NAALADL2: variants seen among roughly 807,000 people sequenced by gnomAD.
NAALADL2 encodes inactive N-acetylated-alpha-linked acidic dipeptidase-like protein 2.
A neutral mutation model predicts 87.2 loss-of-function variants in NAALADL2; 76 were observed. The ratio of observed to expected loss-of-function variants is 0.87; its 90% CI spans 0.72 to 1.05. The LOEUF (loss-of-function observed/expected upper bound fraction) is 1.05. Among genes scored for constraint, NAALADL2 ranks in the 50% least tolerant of loss-of-function variants. The pLI is 0.00. For missense variants in NAALADL2, 1,089 were observed against 945.8 expected (o/e 1.15, Z -1.99); for synonymous variants, 354 against 331.0 (o/e 1.07, Z -0.75).
intron 2 of NAALADL2, among the ~76,000 whole-genome samples, chr3:175,229,420 T>C (rs1388504027): frequency 1.3e-5 from 2 of 152,070 alleles, no homozygotes; most frequent in African/African-American, 4.8e-5. Context: ...AACATATTTT[T>C]ATGTTAACAT....
intron 1 of NAALADL2, among the ~76,000 whole-genome samples, chr3:175,089,150 T>G (rs9880351): frequency 0.21 from 32,557 of 152,112 alleles, 3,630 homozygotes; most frequent in East Asian, 0.32. Flanking sequence ...AAACATAGCC[T>G]GCCAGAGTGC....
At chr3:174,863,733 A>T (rs966713678) in intron 1 of NAALADL2, 1 of 200,308 alleles carries the variant, frequency 5.0e-6, no homozygotes, top group African/African-American at 2.4e-5. Flanking sequence ...ATTCATCATC[A>T]GAAACCATGA....
At chr3:175,008,572 G>A (rs1163752289) in intron 1 of NAALADL2, among the ~76,000 whole-genome samples, 2 of 152,122 alleles carry the variant, frequency 1.3e-5, no homozygotes, top group Admixed American at 1.3e-4. Flanking sequence ...TCAGGCAGAA[G>A]TTTCTTATAC....
rs57196350 is a variant in NAALADL2, at chr3:175,591,784, GTATATATATATATATATATATATA to G, written c.1800+15617_1800+15640del. Among the ~76,000 whole-genome samples the G allele has an allele frequency of 5.5e-3, 751 of 137,068 alleles. 6 individuals carry two copies. The highest frequency in any genetic ancestry group is 0.011 in the African/African-American group (414 of 36,008). 89.9% of individuals were successfully genotyped at this position (137,068 alleles called of 152,430 possible). Reference sequence around the variant, plus strand: ...GCGCATGTGGTGTGTGTGTGTGTGTGTATATATATATATATATATATATATATATATATATATATATATGTATGA... The same window carrying G: ...GCGCATGTGGTGTGTGTGTGTGTGTGTATATATATATATATATATGTATGA... On this transcript the variant is annotated intron_variant, in intron 10 of 13. Coordinates refer to ENST00000454872, the MANE Select transcript of NAALADL2 (RefSeq NM_207015.3).
At chr3:175,081,625 C>T (rs114616788) in intron 1 of NAALADL2, among the ~76,000 whole-genome samples, 2,030 of 152,264 alleles carry the variant, frequency 0.013, 16 homozygotes, top group Non-Finnish European at 0.023. Flanking sequence ...TCCTACATAT[C>T]AATGCATATT....
At chr3:175,761,911 G>A (rs546996753) in intron 13 of NAALADL2, among the ~76,000 whole-genome samples, 125 of 152,154 alleles carry the variant, frequency 8.2e-4, no homozygotes, top group African/African-American at 2.9e-3. Context: ...CCTCTATTAG[G>A]TAGATGTTTT....
chr3:174,971,541 T>C (rs1366169563), intron 1 of NAALADL2, among the ~76,000 whole-genome samples: 1 of 152,206 alleles, frequency 6.6e-6, no homozygotes, highest in African/African-American at 2.4e-5. Flanking sequence ...CCTTCTGGTA[T>C]TGGGCAGAAA....
intron 4 of NAALADL2, among the ~76,000 whole-genome samples, chr3:175,315,136 G>A (rs1681354598): frequency 6.6e-6 from 1 of 152,072 alleles, no homozygotes; most frequent in Non-Finnish European, 1.5e-5. Flanking sequence ...GATGGGAGTT[G>A]ACTGACCTTG....
rs73172513 is a variant in NAALADL2, at chr3:174,447,314, G to A, written c.-184+6282G>A. Among the ~76,000 whole-genome samples, 205 of 152,228 alleles carry A rather than the reference G, an allele frequency of 1.3e-3. 2 individuals carry two copies. In the South Asian group the frequency reaches 0.015, roughly 11 times the overall value. On this transcript the variant is annotated intron_variant, in intron 1 of 3. Coordinates refer to the NAALADL2 transcript ENST00000434257. ...TGAATGATTTGTAAATTAACACTTA[G>A]GAGCTGGAAAACAAGATGATGCTTC...
At chr3:175,190,981 C>CAAAAAA (rs544760324) in intron 2 of NAALADL2, among the ~76,000 whole-genome samples, 4 of 102,022 alleles carry the variant, frequency 3.9e-5, no homozygotes, top group Middle Eastern at 5.3e-3. Context: ...GACTCCGTCT[C>CAAAAAA]AAAAAAAAAA....
At chr3:174,640,453 C>A (rs1300416127) in intron 2 of NAALADL2, among the ~76,000 whole-genome samples, 1 of 142,618 alleles carries the variant, frequency 7.0e-6, no homozygotes, top group Non-Finnish European at 1.5e-5. Flanking sequence ...GAAGATTGAT[C>A]AGTGTGTGTG....
At chr3:175,027,896 A>G (rs1267797220) in intron 1 of NAALADL2, among the ~76,000 whole-genome samples, 11 of 151,428 alleles carry the variant, frequency 7.3e-5, no homozygotes, top group Non-Finnish European at 4.4e-5. Context: ...AAATGCTTCT[A>G]TTTGTTTGTT....
chr3:174,580,354 TAA>T, intron 2 of NAALADL2, among the ~76,000 whole-genome samples: 1 of 152,242 alleles, frequency 6.6e-6, no homozygotes, highest in East Asian at 1.9e-4. Flanking sequence ...AACGTATGGC[TAA>T]GTTTAATAAT....
At chr3:175,103,114 A>AAAT (rs1722514667) in intron 2 of NAALADL2, among the ~76,000 whole-genome samples, 1 of 152,024 alleles carries the variant, frequency 6.6e-6, no homozygotes, top group Non-Finnish European at 1.5e-5. Context: ...CTCAAAAAAA[A>AAAT]AAAAAAAGTT....
intron 2 of NAALADL2, among the ~76,000 whole-genome samples, chr3:174,671,051 A>T (rs1398004165): frequency 6.6e-6 from 1 of 152,052 alleles, no homozygotes; most frequent in Non-Finnish European, 1.5e-5. Flanking sequence ...GCTTTCTGCC[A>T]TGATTGTAAC....
rs142205727 is a variant in NAALADL2, at chr3:175,418,506, T to C, written c.1091-28723T>C. On this transcript the variant is annotated intron_variant, in intron 5 of 13. Transcript: ENST00000454872. ...TTCTAGAAGTAGGAACTTCATGAGATTGAATAGGAAGTATAATTTTTCCTT... is the reference window on the plus strand; with the variant it reads ...TTCTAGAAGTAGGAACTTCATGAGACTGAATAGGAAGTATAATTTTTCCTT... 9.2e-5 allele frequency among the ~76,000 whole-genome samples: 14 copies of C among 152,220 alleles called. No homozygotes were observed. The East Asian group carries it at 2.7e-3, about 29-fold the overall frequency.
At chr3:174,744,769 AT>A (rs1434379215) in intron 3 of NAALADL2, among the ~76,000 whole-genome samples, 7 of 152,232 alleles carry the variant, frequency 4.6e-5, no homozygotes, top group African/African-American at 1.4e-4. Context: ...AGTGCAATCA[AT>A]TTAGAAGTCA....
In NAALADL2 at chr3:175,803,395, C is replaced by A; in HGVS notation, c.*192C>A. 2.5e-6 allele frequency: 1 copy of A among 393,572 alleles called. No homozygotes were observed. The highest frequency in any genetic ancestry group is 4.5e-6 in the Non-Finnish European group (1 of 221,882). The allele number at this position is 393,572 out of a possible 1,614,324, so 24.4% of individuals were successfully genotyped here. A position where few individuals can be genotyped will look rare whatever the true frequency, so the allele number is the denominator to read the frequency against. ...TGCACATTTAATATTTTTCTTATAT[C>A]TACATTTCTGAATATGTAAAGCAAG... On this transcript the variant is annotated 3_prime_UTR_variant, in exon 14 of 14. Coordinates refer to ENST00000454872, the MANE Select transcript of NAALADL2 (RefSeq NM_207015.3).
At chr3:175,493,862 G>C (rs989598483) in intron 9 of NAALADL2, among the ~76,000 whole-genome samples, 1 of 152,092 alleles carries the variant, frequency 6.6e-6, no homozygotes, top group African/African-American at 2.4e-5. Context: ...AGTGAAAGCT[G>C]TACTATCTGT....
Sources: allele counts gnomAD v4.1 joint callset (sites outside exome capture counted in the v4.1 genomes callset), GRCh38; gene constraint gnomAD v4.1.1; transcripts MANE v1.5; gene names NCBI Gene and HGNC (gene_info 2026-07-23, HGNC 2026-07-21).